IGF1R: variants seen among roughly 807,000 people sequenced by gnomAD.
IGF1R encodes the protein insulin like growth factor 1 receptor, also known as insulin-like growth factor 1 receptor.
A neutral mutation model predicts 144.6 loss-of-function variants in IGF1R; 44 were observed. The ratio of observed to expected loss-of-function variants is 0.30; its 90% CI spans 0.24 to 0.39. IGF1R has a LOEUF of 0.39. Ranked by LOEUF, IGF1R falls within the 10% of genes least tolerant of loss-of-function variation. The probability of loss-of-function intolerance (pLI) is 1.00; values close to 1 mark genes in which losing one functional copy is unlikely to be tolerated. For missense variants in IGF1R, 1,355 were observed against 1,833.7 expected (o/e 0.74, Z 4.77); for synonymous variants, 795 against 722.8 (o/e 1.10, Z -1.60).
chr15:98,728,372 G>A (rs2054416707), intron 2 of IGF1R, among the ~76,000 whole-genome samples: 2 of 152,160 alleles, frequency 1.3e-5, no homozygotes, highest in African/African-American at 4.8e-5. Flanking sequence ...AGGGGCCTGA[G>A]CTCCTCCTCC....
chr15:98,900,154 T>G (rs995055759), intron 5 of IGF1R, among the ~76,000 whole-genome samples: 2 of 152,218 alleles, frequency 1.3e-5, no homozygotes, highest in African/African-American at 4.8e-5. Flanking sequence ...GCACTATTGA[T>G]AGAGTTTTTG....
In IGF1R at chr15:98,961,974, G is replaced by A. The variant is rs74951449; in HGVS notation, c.*4532G>A. The A allele has an allele frequency of 2.8e-3, 663 of 233,332 alleles. 7 individuals carry two copies. Among genetic ancestry groups the A allele is most frequent in the African/African-American group, 0.013 (592 of 45,470 alleles). The allele number at this position is 233,332 out of a possible 1,614,324, so 14.5% of individuals were successfully genotyped here. Reference sequence around the variant, plus strand: ...ATGGCGAGATGCTCGGTGCACATTGGGGTGCTTTGGGATAAAAGATTTATG... The same window carrying A: ...ATGGCGAGATGCTCGGTGCACATTGAGGTGCTTTGGGATAAAAGATTTATG... On this transcript the variant is annotated 3_prime_UTR_variant, in exon 21 of 21. Coordinates refer to ENST00000650285, the MANE Select transcript of IGF1R (RefSeq NM_000875.5).
At chr15:98,770,723 C>T (rs1171171652) in intron 2 of IGF1R, among the ~76,000 whole-genome samples, 2 of 152,138 alleles carry the variant, frequency 1.3e-5, no homozygotes, top group Non-Finnish European at 2.9e-5. Context: ...TAGCTGTCAA[C>T]AGGCAACAAT....
At chr15:98,942,734 A>G (rs1322825262) in intron 18 of IGF1R, among the ~76,000 whole-genome samples, 189 bp from the exon 19 acceptor site, 3 of 152,210 alleles carry the variant, frequency 2.0e-5, no homozygotes, top group Non-Finnish European at 4.4e-5. Context: ...TTTGCTCATC[A>G]TGTGATTAAT....
chr15:98,721,880 T>C (rs1160321069), intron 2 of IGF1R, among the ~76,000 whole-genome samples: 1 of 152,182 alleles, frequency 6.6e-6, no homozygotes, highest in African/African-American at 2.4e-5. Context: ...TGTGAATTAT[T>C]TGGGGTCCTA....
At chr15:98,728,888 A>G (rs960286086) in intron 2 of IGF1R, among the ~76,000 whole-genome samples, 3 of 152,158 alleles carry the variant, frequency 2.0e-5, no homozygotes, top group Non-Finnish European at 4.4e-5. Flanking sequence ...TGGCTGTGCT[A>G]CCTCTTGGCT....
rs761178334 is a variant in IGF1R, at chr15:98,948,613, C to G, written c.3627C>G (p.Ala1209=). 1.6e-5 allele frequency: 26 copies of G among 1,614,128 alleles called. No individual in the cohort carries two copies. The highest frequency in any genetic ancestry group is 2.2e-5 in the Non-Finnish European group (26 of 1,179,998). ...GVVLWEIATL[A]EQPYQGLSNE... The stretch of plus-strand genomic sequence containing the variant: ...TCCTCTGGGAGATCGCCACACTGGC[C>G]GAGCAGCCCTACCAGGGCTTGTCCA... Residue 1209 remains alanine, a synonymous_variant, in exon 20 of 21, where the codon GCC becomes GCG. Coordinates refer to ENST00000650285, the MANE Select transcript of IGF1R (RefSeq NM_000875.5).
rs2017048720 is a variant in IGF1R at position 98,957,460 on chromosome 15, T to C, written c.*18T>C. 1.2e-6 allele frequency: 2 copies of C among 1,612,600 alleles called. No homozygotes were observed. The highest frequency in any genetic ancestry group is 8.5e-7 in the Non-Finnish European group (1 of 1,179,990). On this transcript the variant is annotated 3_prime_UTR_variant, in exon 21 of 21. Coordinates refer to ENST00000650285, the MANE Select transcript of IGF1R (RefSeq NM_000875.5). ...CCTGCTGATCCTTGGATCCTGAATC[T>C]GTGCAAACAGTAACGTGTGCGCACG... is the stretch of plus-strand genomic sequence containing the variant.
At position 98,963,047 on chromosome 15, in the gene IGF1R, G is replaced by A. The variant is rs575688553; in HGVS notation, c.*5605G>A. The A allele has an allele frequency of 1.3e-5, 3 of 233,530 alleles. No individual in the cohort carries two copies. The highest frequency in any genetic ancestry group is 1.8e-4 in the South Asian group (1 of 5,528). The allele number at this position is 233,530 out of a possible 1,614,324, so 14.5% of individuals were successfully genotyped here. On this transcript the variant is annotated 3_prime_UTR_variant, in exon 21 of 21. Coordinates refer to ENST00000650285, the MANE Select transcript of IGF1R (RefSeq NM_000875.5). ...AGGGCTCTTAAGTCCAGTAGATTAC[G>A]GGTAGTCAGTTGACGAAGATCTGGT...
At chr15:98,767,494 G>A (rs779534481) in intron 2 of IGF1R, among the ~76,000 whole-genome samples, 9 of 152,126 alleles carry the variant, frequency 5.9e-5, no homozygotes, top group South Asian at 2.1e-4. Flanking sequence ...GAGGCCAAAA[G>A]CAAAGTTCAT....
intron 1 of IGF1R, among the ~76,000 whole-genome samples, chr15:98,685,670 C>CT (rs1224208853): frequency 1.3e-5 from 2 of 152,178 alleles, no homozygotes; most frequent in Non-Finnish European, 2.9e-5. Flanking sequence ...CCTGGTGGTG[C>CT]TTCCTCCAGA....
intron 1 of IGF1R, among the ~76,000 whole-genome samples, chr15:98,668,784 A>G (rs2052809259): frequency 7.3e-6 from 1 of 137,618 alleles, no homozygotes; most frequent in Non-Finnish European, 1.6e-5. Context: ...ATTCTATTAA[A>G]AGCAGCTCCT....
chr15:98,911,610 C>T (rs968651923), intron 7 of IGF1R, among the ~76,000 whole-genome samples, 169 bp downstream of exon 7: 1 of 152,106 alleles, frequency 6.6e-6, no homozygotes, highest in African/African-American at 2.4e-5. Flanking sequence ...TCGGGCTGTC[C>T]CTGTGATGTC....
intron 2 of IGF1R, among the ~76,000 whole-genome samples, chr15:98,884,444 C>CA (rs1056048370): frequency 9.9e-5 from 15 of 152,160 alleles, no homozygotes; most frequent in African/African-American, 3.1e-4. Context: ...CCTGTAATCC[C>CA]AGCACTTTGG....
At chr15:98,652,123 T>A (rs1301595216) in intron 1 of IGF1R, among the ~76,000 whole-genome samples, 1 of 152,192 alleles carries the variant, frequency 6.6e-6, no homozygotes, top group Non-Finnish European at 1.5e-5. Context: ...GAGTGTTGTT[T>A]ATCTTAGAAA....
chr15:98,649,101 C>G lies in IGF1R; in HGVS notation c.-481C>G. On this transcript the variant is annotated 5_prime_UTR_variant, in exon 1 of 21. Coordinates refer to ENST00000650285, the MANE Select transcript of IGF1R (RefSeq NM_000875.5). ...CGTTTCTGCCCCTCGCCGGCCTCGC[C>G]TGTGACCCGGACTTCGGGGCGATCT... 4.6e-6 allele frequency: 1 copy of G among 219,440 alleles called. No homozygotes were observed. Among genetic ancestry groups the G allele is most frequent in the Non-Finnish European group, 9.1e-6 (1 of 109,302 alleles). 13.6% of individuals were successfully genotyped at this position (219,440 alleles called of 1,614,324 possible). A position where few individuals can be genotyped will look rare whatever the true frequency, so the allele number is the denominator to read the frequency against.
At position 98,681,953 on chromosome 15, in the gene IGF1R, G is replaced by A. The variant is rs566110163; in HGVS notation, c.95-25609G>A. Among the ~76,000 whole-genome samples the A allele has an allele frequency of 7.2e-5, 11 of 152,236 alleles. No individual in the cohort carries two copies. In the South Asian group the frequency reaches 2.3e-3, roughly 32 times the overall value. ...TGTGAAATCAATTTGGAATGTGGAT[G>A]GGGCCCTTACACTTTTTCTTTTGAG... On this transcript the variant is annotated intron_variant, in intron 1 of 20. Coordinates refer to ENST00000650285, the MANE Select transcript of IGF1R (RefSeq NM_000875.5).
At chr15:98,925,494 T>C (rs975547253) in intron 13 of IGF1R, among the ~76,000 whole-genome samples, 4 of 152,258 alleles carry the variant, frequency 2.6e-5, no homozygotes, top group African/African-American at 9.6e-5. Flanking sequence ...GGATCAAATT[T>C]GGCATAACAC....
intron 11 of IGF1R, among the ~76,000 whole-genome samples, chr15:98,923,017 T>G (rs958587791): frequency 6.6e-6 from 1 of 152,070 alleles, no homozygotes; most frequent in African/African-American, 2.4e-5. Context: ...AGCACGGAGG[T>G]GACCAGAGTC....
Sources: gnomAD v4.1 joint callset for allele counts (sites outside exome capture counted in the v4.1 genomes callset) on GRCh38, gnomAD v4.1.1 for gene constraint, MANE v1.5 for transcripts, NCBI Gene and HGNC (gene_info 2026-07-23, HGNC 2026-07-21) for gene names.